Variants in NBAS observed in about 807,000 individuals in gnomAD.
NBAS encodes the protein NBAS subunit of NRZ tethering complex, also known as NAG/BC035112 fusion.
In NBAS, 219 loss-of-function variants were observed where a neutral mutation model predicts 302.5. The ratio of observed to expected loss-of-function variants is 0.72; its 90% CI spans 0.65 to 0.81. NBAS has a LOEUF of 0.81. NBAS is among the 30% of genes least tolerant of loss of function. The pLI, the probability that NBAS is intolerant of heterozygous loss-of-function variation, is 0.00. For synonymous variants in NBAS, 1,118 were observed against 1,021.6 expected, an observed-to-expected ratio of 1.09 and a Z score of -1.80; for missense variants, 2,932 against 2,841.6, an observed-to-expected ratio of 1.03 and a Z score of -0.72.
At chr2:15,500,483 C>A (rs1310006379) in intron 11 of NBAS, among the ~76,000 whole-genome samples, 2 of 147,778 alleles carry the variant, frequency 1.4e-5, no homozygotes, top group African/African-American at 2.5e-5. Context: ...ATATTCTACA[C>A]CATTATATTT....
intron 11 of NBAS, among the ~76,000 whole-genome samples, chr2:15,500,500 T>TCA (rs1491465461): frequency 2.6e-4 from 29 of 112,082 alleles, no homozygotes; most frequent in African/African-American, 7.7e-4. Flanking sequence ...ATTTTAGAAG[T>TCA]CTCACACACA....
chr2:15,321,897 C>A (rs1318377090), intron 38 of NBAS, among the ~76,000 whole-genome samples: 1 of 152,250 alleles, frequency 6.6e-6, no homozygotes, highest in Non-Finnish European at 1.5e-5. Flanking sequence ...TGGGTATATA[C>A]CCCAAGGATT....
intron 26 of NBAS, among the ~76,000 whole-genome samples, chr2:15,401,277 A>G (rs1044787236): frequency 7.9e-5 from 12 of 152,160 alleles, no homozygotes; most frequent in African/African-American, 2.9e-4. Context: ...GGTGACTGCT[A>G]TCATTTGCTT....
chr2:15,032,795 A>T, the NBAS span, among the ~76,000 whole-genome samples: 1 of 152,202 alleles, frequency 6.6e-6, no homozygotes, highest in African/African-American at 2.4e-5. Context: ...AGGATCTGAG[A>T]AGGAATGAAG....
At chr2:15,243,637 AT>A (rs1167794538) in intron 44 of NBAS, among the ~76,000 whole-genome samples, 1 of 152,188 alleles carries the variant, frequency 6.6e-6, no homozygotes, top group Admixed American at 6.5e-5. Context: ...AAAATACTTA[AT>A]AAAACTATTA....
At chr2:15,260,983 C>G (rs898816668) in intron 44 of NBAS, among the ~76,000 whole-genome samples, 8 of 152,172 alleles carry the variant, frequency 5.3e-5, no homozygotes, top group Non-Finnish European at 8.8e-5. Context: ...AATGCTCAAA[C>G]TAATTACAGG....
rs1667519719 is a variant in NBAS at position 15,234,723 on chromosome 2, G to A, written c.5968C>T (p.Leu1990Phe). 6.2e-7 allele frequency: 1 copy of A among 1,614,118 alleles called. No individual in the cohort carries two copies. Among genetic ancestry groups the A allele is most frequent in the South Asian group, 1.1e-5 (1 of 91,078 alleles). The change falls in exon 46 of 52, where the codon CTC (leucine) becomes TTC (phenylalanine). Residue 1990 changes from leucine to phenylalanine, a missense_variant. By Grantham distance (22) the Leu-to-Phe change is conservative. Coordinates refer to ENST00000281513, the MANE Select transcript of NBAS (RefSeq NM_015909.4). ...TTTTCTGATCGGGACAGATCATAGAGGTGACTGTATTTTTGCAGTGTTTCC... is the reference window on the plus strand; with the variant it reads ...TTTTCTGATCGGGACAGATCATAGAAGTGACTGTATTTTTGCAGTGTTTCC... ...EQETLQKYSH[L>F]YDLSRSEKEK...
chr2:15,003,636 G>C, the NBAS span, among the ~76,000 whole-genome samples: 4 of 152,188 alleles, frequency 2.6e-5, no homozygotes, highest in East Asian at 7.7e-4. Flanking sequence ...TTGAGAGTGA[G>C]GGGACGAAGG....
chr2:14,989,283 A>ATGTATG, the NBAS span, among the ~76,000 whole-genome samples: 1 of 68,674 alleles, frequency 1.5e-5, no homozygotes. Flanking sequence ...TATATAGTAG[A>ATGTATG]TGTATGTGTA....
At chr2:15,557,657 T>C (rs1014076752) in intron 2 of NBAS, among the ~76,000 whole-genome samples, 1 of 152,188 alleles carries the variant, frequency 6.6e-6, no homozygotes, top group African/African-American at 2.4e-5. Context: ...TTTCTCTTTA[T>C]AAGGAACTTA....
At chr2:15,553,006 C>T (rs6725818) in intron 5 of NBAS, among the ~76,000 whole-genome samples, 96,818 of 151,798 alleles carry the variant, frequency 0.64, 31,592 homozygotes, top group Non-Finnish European at 0.68. Flanking sequence ...GGTTTCACCA[C>T]GTTGGCCAGG....
At chr2:15,452,158 C>T (rs574062327) in intron 21 of NBAS, among the ~76,000 whole-genome samples, 1 of 152,262 alleles carries the variant, frequency 6.6e-6, no homozygotes, top group Non-Finnish European at 1.5e-5. Context: ...TTCAGTTTTA[C>T]AAGATAGAGT....
intron 44 of NBAS, 28 bp downstream of exon 44, chr2:15,275,456 A>C: frequency 1.2e-6 from 2 of 1,605,130 alleles, no homozygotes; most frequent in Non-Finnish European, 8.5e-7. Flanking sequence ...ACTGTGCTCA[A>C]ACCACTTTAA....
chr2:14,813,283 G>C, the NBAS span, among the ~76,000 whole-genome samples: 1 of 152,190 alleles, frequency 6.6e-6, no homozygotes, highest in Non-Finnish European at 1.5e-5. Flanking sequence ...GGAGGGCTCA[G>C]AAGACAGGAA....
the NBAS span, among the ~76,000 whole-genome samples, chr2:14,937,611 C>G: frequency 6.6e-6 from 1 of 152,076 alleles, no homozygotes; most frequent in Admixed American, 6.5e-5. Flanking sequence ...TTCTAGGGGA[C>G]TTTGATTCTA....
chr2:15,539,994 A>T (rs1390212565), intron 6 of NBAS, among the ~76,000 whole-genome samples: 1 of 152,142 alleles, frequency 6.6e-6, no homozygotes, highest in African/African-American at 2.4e-5. Context: ...TCAGCAACTG[A>T]ATTTTTTTCT....
intron 12 of NBAS, among the ~76,000 whole-genome samples, chr2:15,481,838 T>C (rs1199856160): frequency 1.3e-5 from 2 of 152,196 alleles, no homozygotes; most frequent in East Asian, 1.9e-4. Flanking sequence ...AGAATTCTTC[T>C]TCTCCAAGGT....
At position 15,397,533 on chromosome 2, in the gene NBAS, C is replaced by T. The variant is rs1018473556; in HGVS notation, c.3072-1058G>A. 23 of 602,266 alleles carry T rather than the reference C, an allele frequency of 3.8e-5. No homozygotes were observed. The Admixed American group carries it at 3.9e-4, about 10-fold the overall frequency. The allele number at this position is 602,266 out of a possible 1,614,324, so 37.3% of individuals were successfully genotyped here. A position where few individuals can be genotyped will look rare whatever the true frequency, so the allele number is the denominator to read the frequency against. On this transcript the variant is annotated intron_variant, in intron 26 of 51. Transcript: ENST00000281513. The stretch of plus-strand genomic sequence containing the variant: ...CAGGCTTCATGATATCAATTCCTGA[C>T]TATTTTGCTGTGAATTGCACAACCC...
the NBAS span, among the ~76,000 whole-genome samples, chr2:14,959,764 C>T: frequency 6.6e-6 from 1 of 152,174 alleles, no homozygotes; most frequent in Non-Finnish European, 1.5e-5. Flanking sequence ...ACTCCTCAAA[C>T]CCAGTTCAAA....
Sources: gnomAD v4.1 joint callset for allele counts (sites outside exome capture counted in the v4.1 genomes callset) on GRCh38, gnomAD v4.1.1 for gene constraint, MANE v1.5 for transcripts, NCBI Gene and HGNC (gene_info 2026-07-23, HGNC 2026-07-21) for gene names.